The following COL28A1 variants were observed in gnomAD, a reference collection of about 807,000 sequenced individuals.
COL28A1 encodes collagen alpha-1(XXVIII) chain.
COL28A1 carries 161 observed loss-of-function variants against 150.2 expected under a neutral mutation model. The ratio of observed to expected loss-of-function variants is 1.07; its 90% confidence interval spans 0.94 to 1.22. COL28A1 has a LOEUF of 1.22. Among genes scored for constraint, COL28A1 ranks in the 50% most tolerant of loss-of-function variants. The pLI, the probability that COL28A1 is intolerant of heterozygous loss-of-function variation, is 0.00. For synonymous variants in COL28A1, 552 were observed against 469.7 expected, an observed-to-expected ratio of 1.18 and a Z score of -2.26; for missense variants, 1,617 against 1,388.3, an observed-to-expected ratio of 1.16 and a Z score of -2.62.
chr7:7,495,371 G>A lies in COL28A1; in HGVS notation c.1027-4725C>T, dbSNP rs554469290. On this transcript the variant is annotated intron_variant, in intron 11 of 34. Transcript: ENST00000399429. Reference sequence around the variant, plus strand: ...GCGGTTTAGAGTGATTAATGAGGTTGAAGGCTCAGGTCAGTACCATGAACA... The same window carrying A: ...GCGGTTTAGAGTGATTAATGAGGTTAAAGGCTCAGGTCAGTACCATGAACA... 1.4e-4 allele frequency among the ~76,000 whole-genome samples: 21 copies of A among 152,288 alleles called. No individual in the cohort carries two copies. In the South Asian group the frequency reaches 3.1e-3, roughly 23 times the overall value.
chr7:7,501,619 G>A (rs748416757), intron 11 of COL28A1, among the ~76,000 whole-genome samples: 1 of 152,184 alleles, frequency 6.6e-6, no homozygotes. Flanking sequence ...TTCAAAATTA[G>A]TTTTGGTAAC....
upstream of COL28A1, among the ~76,000 whole-genome samples, chr7:7,540,048 A>G (rs1013116990): frequency 6.7e-6 from 1 of 148,634 alleles, no homozygotes; most frequent in African/African-American, 2.4e-5. Flanking sequence ...TCCTGACTAA[A>G]TGCAATTATT....
At chr7:7,338,637 G>T in the COL28A1 span, among the ~76,000 whole-genome samples, 1 of 152,070 alleles carries the variant, frequency 6.6e-6, no homozygotes, top group African/African-American at 2.4e-5. Context: ...AGTGAAGAAA[G>T]ATAATTTGAC....
intron 27 of COL28A1, among the ~76,000 whole-genome samples, chr7:7,382,131 G>A (rs976374589): frequency 6.6e-5 from 10 of 152,110 alleles, no homozygotes; most frequent in African/African-American, 2.2e-4. Flanking sequence ...CCAACATGGC[G>A]AAATCCTGTC....
intron 3 of COL28A1, among the ~76,000 whole-genome samples, chr7:7,526,268 T>C (rs779284754): frequency 7.2e-5 from 11 of 152,184 alleles, no homozygotes; most frequent in Non-Finnish European, 1.5e-4. Context: ...AATGAAAAAC[T>C]GTAAATAAAA....
At chr7:7,531,982 G>A in intron 2 of COL28A1, 78 bp from the exon 3 acceptor site, 1 of 829,016 alleles carries the variant, frequency 1.2e-6, no homozygotes, top group Non-Finnish European at 2.0e-6. Context: ...GCCCTGAAGT[G>A]GTGTGTTGTA....
chr7:7,408,468 A>C (rs115596725), intron 27 of COL28A1, among the ~76,000 whole-genome samples: 2,664 of 152,248 alleles, frequency 0.017, 86 homozygotes, highest in African/African-American at 0.06. Flanking sequence ...AGGTGTTTGT[A>C]AGAGCAATAA....
At chr7:7,439,720 A>C (rs965222347) in intron 21 of COL28A1, among the ~76,000 whole-genome samples, 1 of 152,210 alleles carries the variant, frequency 6.6e-6, no homozygotes, top group Non-Finnish European at 1.5e-5. Context: ...ACATAGTGGC[A>C]CTTCTCATAA....
the COL28A1 span, among the ~76,000 whole-genome samples, chr7:7,541,042 A>C: frequency 6.6e-6 from 1 of 152,358 alleles, no homozygotes; most frequent in Non-Finnish European, 1.5e-5. Context: ...ATCCAAAAAA[A>C]GTTTTAAAAT....
At chr7:7,434,610 G>A (rs182980624) in intron 23 of COL28A1, among the ~76,000 whole-genome samples, 11 of 152,248 alleles carry the variant, frequency 7.2e-5, no homozygotes, top group Admixed American at 2.6e-4. Context: ...CACAGCGGAG[G>A]GGAAAACCAT....
rs1415569377 is a variant in COL28A1, at chr7:7,373,109, CT to C, written c.2796del (p.Ile932MetfsTer4). On this transcript the variant is annotated frameshift_variant, in exon 32 of 35. Coordinates refer to ENST00000399429, the MANE Select transcript of COL28A1 (RefSeq NM_001037763.3). LOFTEE classifies it high-confidence loss of function. The surrounding 1 kb of genome is among the most constrained non-coding windows in gnomAD (Gnocchi z 4.1). ...ASDTNVEIFV[I>X]GVVKKNDPNF... is the part of the protein sequence containing the mutation. ...TTGGGATCATTTTTCTTCACCACCC[CT>C]ATCACAAATATCTCCACATTGGTGT... 9.3e-6 allele frequency: 15 copies of C among 1,614,048 alleles called. No individual in the cohort carries two copies. Among genetic ancestry groups the C allele is most frequent in the Admixed American group, 1.7e-5 (1 of 60,004 alleles).
intron 27 of COL28A1, among the ~76,000 whole-genome samples, chr7:7,410,425 C>T (rs1351434519): frequency 2.0e-5 from 3 of 152,124 alleles, no homozygotes; most frequent in South Asian, 2.1e-4. Flanking sequence ...CATGTGGTCT[C>T]GACTCCTCCT....
rs1233280896 is a variant in COL28A1 at position 7,456,039 on chromosome 7, A to C, written c.1371+5T>G. The C allele has an allele frequency of 6.2e-7, 1 of 1,613,690 alleles. No individual in the cohort carries two copies. Among genetic ancestry groups the C allele is most frequent in the Admixed American group, 1.7e-5 (1 of 59,962 alleles). ...CTGAAGGGAAAGGAAGAATGCATTA[A>C]TTACCTGTTCCCCTTGACTCCCGAT... On this transcript the variant is annotated splice_donor_5th_base_variant and intron_variant, in intron 16 of 34. Transcript: ENST00000399429.
chr7:7,539,631 A>G (rs1562984736), upstream of COL28A1, among the ~76,000 whole-genome samples: 2 of 152,194 alleles, frequency 1.3e-5, no homozygotes, highest in South Asian at 4.1e-4. Context: ...AAGAAAATAA[A>G]AATTATCATT....
At chr7:7,343,306 GC>G in the COL28A1 span, among the ~76,000 whole-genome samples, 1 of 151,810 alleles carries the variant, frequency 6.6e-6, no homozygotes, top group East Asian at 1.9e-4. Context: ...TATGCCTCAT[GC>G]CCCCTTTTTT....
At chr7:7,471,492 C>T (rs942028554) in intron 15 of COL28A1, among the ~76,000 whole-genome samples, 2 of 152,176 alleles carry the variant, frequency 1.3e-5, no homozygotes, top group Non-Finnish European at 2.9e-5. Context: ...CTAACTGAAT[C>T]CAACAACGTA....
At chr7:7,540,523 G>A (rs1782765719), upstream of COL28A1, among the ~76,000 whole-genome samples, 1 of 152,108 alleles carries the variant, frequency 6.6e-6, no homozygotes, top group South Asian at 2.1e-4. Context: ...CCCACCCAAA[G>A]GTCAAATCAT....
chr7:7,404,647 A>G (rs1562562523), intron 27 of COL28A1, among the ~76,000 whole-genome samples: 1 of 152,030 alleles, frequency 6.6e-6, no homozygotes. Flanking sequence ...TCTACTCATA[A>G]GGCCATCCAC....
At chr7:7,518,700 C>T (rs1781549874) in intron 6 of COL28A1, among the ~76,000 whole-genome samples, 1 of 152,224 alleles carries the variant, frequency 6.6e-6, no homozygotes, top group South Asian at 2.1e-4. Flanking sequence ...TTTAATATTG[C>T]TGTGTTAATT....
Sources: gnomAD v4.1 joint callset for allele counts (sites outside exome capture counted in the v4.1 genomes callset) on GRCh38, gnomAD v4.1.1 for gene constraint, Gnocchi (gnomAD v3.1) non-coding constraint, MANE v1.5 for transcripts, NCBI Gene and HGNC (gene_info 2026-07-23, HGNC 2026-07-21) for gene names.